The following PCCA variants were observed in gnomAD, a reference collection of about 807,000 sequenced individuals.
PCCA encodes propionyl-CoA carboxylase alpha chain, mitochondrial.
In PCCA, 74 loss-of-function variants were observed where a neutral mutation model predicts 101.3. The ratio of observed to expected loss-of-function variants is 0.73; its 90% CI spans 0.61 to 0.89. The LOEUF (loss-of-function observed/expected upper bound fraction) is 0.89. Ranked by LOEUF, PCCA falls within the 40% of genes least tolerant of loss-of-function variation. PCCA has a pLI of 0.00. For missense variants in PCCA, 891 were observed against 907.0 expected, an observed-to-expected ratio of 0.98 and a Z score of 0.23; for synonymous variants, 294 against 313.6, an observed-to-expected ratio of 0.94 and a Z score of 0.66.
At chr13:100,272,340 G>A (rs200924405) in intron 11 of PCCA, among the ~76,000 whole-genome samples, 2 of 152,116 alleles carry the variant, frequency 1.3e-5, no homozygotes, top group Non-Finnish European at 2.9e-5. Flanking sequence ...TTCCTCAGTG[G>A]ATTAATACAT....
At chr13:100,347,311 C>T (rs1050532929) in intron 18 of PCCA, among the ~76,000 whole-genome samples, 1 of 152,198 alleles carries the variant, frequency 6.6e-6, no homozygotes. Flanking sequence ...TATTGAAATA[C>T]TTGCTTCATT....
intron 19 of PCCA, among the ~76,000 whole-genome samples, chr13:100,406,091 A>T (rs2077661595): frequency 6.6e-6 from 1 of 152,068 alleles, no homozygotes; most frequent in Non-Finnish European, 1.5e-5. Flanking sequence ...TACTGACCAC[A>T]GGTCAGTAAC....
At chr13:100,218,885 C>G (rs967826026) in intron 7 of PCCA, among the ~76,000 whole-genome samples, 4 of 152,166 alleles carry the variant, frequency 2.6e-5, no homozygotes, top group Non-Finnish European at 4.4e-5. Context: ...TTAAGGAAGC[C>G]TACTTGGCAG....
Position 100,321,483 on chromosome 13 carries a change from T to C in PCCA, c.1430-9078T>C, listed in dbSNP as rs538535879. ...CTATGTTTCTCATTAAAAAAACTTA[T>C]TAAAGCCCTCTGAAACATAGTTATT... On this transcript the variant is annotated intron_variant, in intron 16 of 23. Coordinates refer to ENST00000376285, the MANE Select transcript of PCCA (RefSeq NM_000282.4). Among the ~76,000 whole-genome samples the C allele has an allele frequency of 5.3e-5, 8 of 152,204 alleles. No individual in the cohort carries two copies. The South Asian group carries it at 1.7e-3, about 32-fold the overall frequency.
intron 19 of PCCA, among the ~76,000 whole-genome samples, chr13:100,402,856 T>C (rs896962950): frequency 1.3e-5 from 2 of 152,188 alleles, no homozygotes; most frequent in Non-Finnish European, 1.5e-5. Context: ...CTAGTCCAAA[T>C]TTAAAAAATA....
intron 9 of PCCA, among the ~76,000 whole-genome samples, chr13:100,259,769 T>G (rs1441597260): frequency 6.6e-6 from 1 of 152,226 alleles, no homozygotes. Context: ...AAACTGATTG[T>G]GTCTATATTT....
intron 22 of PCCA, among the ~76,000 whole-genome samples, chr13:100,524,327 G>C (rs2087546214): frequency 6.7e-6 from 1 of 150,302 alleles, no homozygotes; most frequent in Non-Finnish European, 1.5e-5. Flanking sequence ...TGGTTCTCCA[G>C]CTCAATTTTT....
intron 12 of PCCA, among the ~76,000 whole-genome samples, chr13:100,273,894 C>T (rs367708881): frequency 1.3e-5 from 2 of 152,192 alleles, no homozygotes; most frequent in Non-Finnish European, 2.9e-5. Context: ...AAGCGACTGG[C>T]GTTGTAACCG....
chr13:100,517,372 T>G (rs551251186), intron 22 of PCCA, among the ~76,000 whole-genome samples: 5 of 152,338 alleles, frequency 3.3e-5, no homozygotes, highest in African/African-American at 1.2e-4. Context: ...CCTTTGTACG[T>G]TCCATTTCCT....
At chr13:100,175,824 T>G (rs1451026165) in intron 6 of PCCA, among the ~76,000 whole-genome samples, 3 of 152,206 alleles carry the variant, frequency 2.0e-5, no homozygotes, top group African/African-American at 7.2e-5. Flanking sequence ...ACAAAAGTTG[T>G]CGCAGGTAGC....
In PCCA at chr13:100,178,125, G is replaced by A. The variant is rs114653848; in HGVS notation, c.468+20785G>A. On this transcript the variant is annotated intron_variant, in intron 6 of 23. Transcript: ENST00000376285. ...TATGTGATAAATATTTTATGTAGTC[G>A]TGTACTTTTGCTATAGAAAATCAGT... 3.2e-3 allele frequency among the ~76,000 whole-genome samples: 486 copies of A among 152,148 alleles called. 2 individuals are homozygous for A. The highest frequency in any genetic ancestry group is 0.011 in the African/African-American group (458 of 41,522).
intron 21 of PCCA, chr13:100,480,934 G>C (rs1468413596): frequency 6.6e-6 from 1 of 152,228 alleles, no homozygotes; most frequent in Non-Finnish European, 1.5e-5. Flanking sequence ...AAATCCCCAG[G>C]GGATGCCTAA....
At chr13:100,112,576 C>CTTTT (rs5806149) in intron 4 of PCCA, among the ~76,000 whole-genome samples, 11 of 124,042 alleles carry the variant, frequency 8.9e-5, no homozygotes, top group Non-Finnish European at 1.6e-4. Flanking sequence ...CACAGCAGGC[C>CTTTT]TTTTTTTTTT....
intron 21 of PCCA, among the ~76,000 whole-genome samples, chr13:100,511,247 T>G (rs9554696): frequency 0.086 from 13,118 of 152,266 alleles, 725 homozygotes; most frequent in Middle Eastern, 0.2. Flanking sequence ...ATTTTTGCAT[T>G]TCGCGCTTTC....
chr13:100,146,013 C>T (rs1212567836), intron 4 of PCCA, among the ~76,000 whole-genome samples: 3 of 149,724 alleles, frequency 2.0e-5, no homozygotes, highest in East Asian at 2.1e-4. Flanking sequence ...CTCGGCAGCT[C>T]GCTGCAATCT....
intron 16 of PCCA, among the ~76,000 whole-genome samples, chr13:100,319,749 T>C (rs1165015957): frequency 6.6e-6 from 1 of 152,232 alleles, no homozygotes; most frequent in Non-Finnish European, 1.5e-5. Flanking sequence ...CCTTGTAGTA[T>C]AGTTTGAAGT....
At chr13:100,294,829 TCTGTATATAATC>T (rs2065400505) in intron 12 of PCCA, among the ~76,000 whole-genome samples, 1 of 152,154 alleles carries the variant, frequency 6.6e-6, no homozygotes, top group South Asian at 2.1e-4. Flanking sequence ...GAAGAGCACA[TCTGTATATAATC>T]CTACACAGGT....
intron 17 of PCCA, among the ~76,000 whole-genome samples, chr13:100,335,327 C>A (rs2152743266): frequency 6.6e-6 from 1 of 152,210 alleles, no homozygotes. Flanking sequence ...TTTAAAGACA[C>A]AAGCCCACTA....
intron 17 of PCCA, 49 bp from the exon 18 acceptor site, chr13:100,340,108 T>A (rs746895836): frequency 1.0e-6 from 1 of 974,790 alleles, no homozygotes; most frequent in Non-Finnish European, 1.7e-6. Context: ...GAAGCACAGA[T>A]GTTAAAATAA....
Sources: gnomAD v4.1 joint callset for allele counts (sites outside exome capture counted in the v4.1 genomes callset) on GRCh38, gnomAD v4.1.1 for gene constraint, MANE v1.5 for transcripts, NCBI Gene and HGNC (gene_info 2026-07-23, HGNC 2026-07-21) for gene names.